The following DPP6 variants were observed in gnomAD, a reference collection of about 807,000 sequenced individuals.
The protein encoded by DPP6 is A-type potassium channel modulatory protein DPP6.
A neutral mutation model predicts 122.6 loss-of-function variants in DPP6; 69 were observed. The ratio of observed to expected loss-of-function variants is 0.56; its 90% CI spans 0.46 to 0.69. DPP6 has a LOEUF of 0.69. Among genes scored for constraint, DPP6 ranks in the 30% least tolerant of loss-of-function variants. The pLI is 0.00. For synonymous variants in DPP6, 418 were observed against 433.1 expected (o/e 0.97, Z 0.43); for missense variants, 928 against 1,116.9 (o/e 0.83, Z 2.41).
chr7:154,007,559 T>G (rs1372644895), intron 1 of DPP6, among the ~76,000 whole-genome samples: 2 of 152,184 alleles, frequency 1.3e-5, no homozygotes, highest in African/African-American at 2.4e-5. Context: ...TGGACAGATA[T>G]TCCTGTCCCC....
intron 2 of DPP6, among the ~76,000 whole-genome samples, chr7:154,463,446 A>T (rs541069191): frequency 6.6e-6 from 1 of 151,718 alleles, no homozygotes; most frequent in African/African-American, 2.4e-5. Flanking sequence ...TGACCTCGTG[A>T]TCCGCCCGTC....
chr7:154,483,464 C>T lies in DPP6; in HGVS notation c.457+8427C>T, dbSNP rs1299038499. Among the ~76,000 whole-genome samples, 1 of 151,480 alleles carries T rather than the reference C, an allele frequency of 6.6e-6. No homozygotes were observed. The highest frequency in any genetic ancestry group is 1.9e-4 in the East Asian group (1 of 5,158). On this transcript the variant is annotated intron_variant, in intron 3 of 25. Coordinates refer to ENST00000377770, the MANE Select transcript of DPP6 (RefSeq NM_130797.4). This position sits in a 1 kb window ranked among gnomAD's most constrained non-coding sequence, Gnocchi z 8.1. ...GGGCAGCTCCAAACCAGAAGTGGTT[C>T]TGGGGTTCTACCAAGGGAACAAGGG...
chr7:153,818,577 A>G, the DPP6 span, among the ~76,000 whole-genome samples: 1 of 152,142 alleles, frequency 6.6e-6, no homozygotes, highest in African/African-American at 2.4e-5. Context: ...GTATGGTGCC[A>G]TTTATGAATT....
intron 15 of DPP6, 101 bp from the exon 16 acceptor site, chr7:154,806,893 G>A (rs1031125321): frequency 1.5e-5 from 22 of 1,485,956 alleles, no homozygotes; most frequent in East Asian, 1.2e-4. Flanking sequence ...GCAGGGCTCC[G>A]CAGATCACCC....
intron 1 of DPP6, among the ~76,000 whole-genome samples, chr7:154,008,252 C>T (rs1585167759): frequency 6.6e-6 from 1 of 152,142 alleles, no homozygotes; most frequent in Admixed American, 6.5e-5. Context: ...AGCCAGAGAA[C>T]CCGTGGGCAG....
At chr7:154,470,787 G>A (rs937595463) in intron 2 of DPP6, among the ~76,000 whole-genome samples, 7 of 152,176 alleles carry the variant, frequency 4.6e-5, no homozygotes, top group African/African-American at 1.2e-4. Flanking sequence ...TTATTTTTCA[G>A]TGATCCCTGA....
intron 5 of DPP6, among the ~76,000 whole-genome samples, chr7:154,637,617 C>T (rs1835808653): frequency 6.6e-6 from 1 of 152,192 alleles, no homozygotes; most frequent in Admixed American, 6.5e-5. Flanking sequence ...TCTGGCTGCC[C>T]TATAAACCAT....
At chr7:153,756,124 C>T in the DPP6 span, among the ~76,000 whole-genome samples, 8 of 152,052 alleles carry the variant, frequency 5.3e-5, no homozygotes, top group East Asian at 1.4e-3. Flanking sequence ...TGATTTTGGA[C>T]TTGAATCAGA....
At chr7:154,560,905 A>G (rs1448616030) in intron 4 of DPP6, among the ~76,000 whole-genome samples, 2 of 151,818 alleles carry the variant, frequency 1.3e-5, no homozygotes, top group African/African-American at 4.8e-5. Context: ...AAAAAATGAA[A>G]TGGATTTTAA....
chr7:153,808,524 T>C, the DPP6 span, among the ~76,000 whole-genome samples: 2 of 152,036 alleles, frequency 1.3e-5, no homozygotes, highest in Non-Finnish European at 2.9e-5. Context: ...TTATATACAT[T>C]AGATCTGCAG....
intron 20 of DPP6, among the ~76,000 whole-genome samples, chr7:154,878,163 G>C (rs1805049383): frequency 6.6e-6 from 1 of 152,180 alleles, no homozygotes; most frequent in South Asian, 2.1e-4. Context: ...CCGCCATCAA[G>C]GGCAGGCCCA....
intron 1 of DPP6, among the ~76,000 whole-genome samples, chr7:154,409,532 A>T (rs1045155745): frequency 6.6e-6 from 1 of 152,180 alleles, no homozygotes; most frequent in African/African-American, 2.4e-5. Context: ...TTTTCATTAC[A>T]ATCCAATTCT....
chr7:154,821,653 T>TATACAC lies in DPP6; in HGVS notation c.1666+14544_1666+14545insCACATA, dbSNP rs1799783833. On this transcript the variant is annotated intron_variant, in intron 16 of 25. Coordinates refer to ENST00000377770, the MANE Select transcript of DPP6 (RefSeq NM_130797.4). This position sits in a 1 kb window ranked among gnomAD's most constrained non-coding sequence, Gnocchi z 4.2. ...GTATATATATATATATATACACATA[T>TATACAC]ATATATATATACACATATATATATA... 2.0e-4 allele frequency among the ~76,000 whole-genome samples: 21 copies of TATACAC among 107,078 alleles called. No individual in the cohort carries two copies. Among genetic ancestry groups the TATACAC allele is most frequent in the African/African-American group, 3.7e-4 (11 of 29,636 alleles). The allele number at this position is 107,078 out of a possible 152,430, so 70.2% of individuals were successfully genotyped here.
intron 2 of DPP6, among the ~76,000 whole-genome samples, chr7:154,452,010 G>T (rs1190010752): frequency 6.6e-6 from 1 of 152,200 alleles, no homozygotes; most frequent in Non-Finnish European, 1.5e-5. Flanking sequence ...TCAGGCAGAG[G>T]AGGTATCAAA....
chr7:154,269,025 A>T (rs2150930056), intron 1 of DPP6, among the ~76,000 whole-genome samples: 1 of 150,568 alleles, frequency 6.6e-6, no homozygotes, highest in South Asian at 2.1e-4. Flanking sequence ...TGATTAAAGG[A>T]CTCTGAGTAA....
chr7:154,113,412 T>TATATATATATACACAC (rs1472172445), intron 1 of DPP6, among the ~76,000 whole-genome samples: 33 of 141,800 alleles, frequency 2.3e-4, no homozygotes, highest in African/African-American at 8.3e-4. Flanking sequence ...TATATATATA[T>TATATATATATACACAC]ACACACACAC....
intron 5 of DPP6, among the ~76,000 whole-genome samples, chr7:154,622,261 C>T (rs1299434589): frequency 1.3e-5 from 2 of 152,160 alleles, no homozygotes; most frequent in African/African-American, 2.4e-5. Flanking sequence ...ACATTTGCTA[C>T]TGGCAGCTCA....
chr7:153,942,247 A>G (rs1000823949), intron 1 of DPP6, among the ~76,000 whole-genome samples: 1 of 152,238 alleles, frequency 6.6e-6, no homozygotes, highest in Non-Finnish European at 1.5e-5. Context: ...CATCCTGCCA[A>G]TGGCCATCCT....
At chr7:154,662,431 G>A (rs1290390123) in intron 6 of DPP6, among the ~76,000 whole-genome samples, 1 of 120,566 alleles carries the variant, frequency 8.3e-6, no homozygotes, top group East Asian at 2.7e-4. Context: ...CGGCTGTAGT[G>A]TTCATATAGT....
Sources: gnomAD v4.1 joint callset for allele counts (sites outside exome capture counted in the v4.1 genomes callset) on GRCh38, gnomAD v4.1.1 for gene constraint, Gnocchi (gnomAD v3.1) non-coding constraint, MANE v1.5 for transcripts, NCBI Gene and HGNC (gene_info 2026-07-23, HGNC 2026-07-21) for gene names.